CTH: variants seen among roughly 807,000 people sequenced by gnomAD.
CTH encodes cystathionase (cystathionine gamma-lyase).
Under a neutral mutation model 50.6 loss-of-function variants are expected in CTH, and 41 were observed. The observed-to-expected ratio is 0.81, with a 90% CI of 0.63 to 1.05. The LOEUF (loss-of-function observed/expected upper bound fraction) is 1.05. CTH is among the 50% of genes least tolerant of loss of function. CTH has a pLI of 0.00. For synonymous variants in CTH, 156 were observed against 168.9 expected (o/e 0.92, Z 0.59); for missense variants, 470 against 492.6 (o/e 0.95, Z 0.43).
Position 70,430,368 on chromosome 1 carries a change from A to G in CTH, c.698A>G (p.His233Arg). ...GLVSVNCESL[H>R]NRLRFLQNSL... ...GTGTCTGTTAATTGTGAAAGCCTTC[A>G]TAATAGACTTCGTTTCTTGCAAAAC... is the stretch of plus-strand genomic sequence containing the variant. Residue 233 changes from histidine to arginine, a missense_variant, in exon 7 of 12, where the codon CAT (histidine) becomes CGT (arginine). His to Arg is a conservative substitution (Grantham distance 29, BLOSUM62 0). Coordinates refer to ENST00000370938, the MANE Select transcript of CTH (RefSeq NM_001902.6). 6.3e-7 allele frequency: 1 copy of G among 1,593,768 alleles called. No homozygotes were observed. Among genetic ancestry groups the G allele is most frequent in the Non-Finnish European group, 8.6e-7 (1 of 1,161,572 alleles).
chr1:70,412,769 T>C (rs1572248516), intron 1 of CTH, among the ~76,000 whole-genome samples: 1 of 152,222 alleles, frequency 6.6e-6, no homozygotes, highest in African/African-American at 2.4e-5. Context: ...ACATAAGTTG[T>C]TGAGATGTAT....
At chr1:70,415,774 T>G (rs1420890989) in intron 1 of CTH, among the ~76,000 whole-genome samples, 182 bp from the exon 2 acceptor site, 1 of 152,230 alleles carries the variant, frequency 6.6e-6, no homozygotes, top group Non-Finnish European at 1.5e-5. Context: ...ACATAGAGTT[T>G]GTTTGACTTC....
chr1:70,429,318 C>A (rs978274232), intron 5 of CTH, among the ~76,000 whole-genome samples: 7 of 152,212 alleles, frequency 4.6e-5, no homozygotes, highest in African/African-American at 1.7e-4. Flanking sequence ...TCATGACAAA[C>A]CCCAAATGTA....
At position 70,421,387 on chromosome 1, in the gene CTH, CTTA is replaced by C. The variant is rs534298318; in HGVS notation, c.347-173_347-171del. On this transcript the variant is annotated intron_variant, in intron 3 of 11. Transcript: ENST00000370938. ...ACTCTTGAGCCTTTAGAGAACAAAC[CTTA>C]TTATTCTTTACTATATCAGATAGCC... is the stretch of plus-strand genomic sequence containing the variant. Among the ~76,000 whole-genome samples, 51 of 152,210 alleles carry C rather than the reference CTTA, an allele frequency of 3.4e-4. No individual in the cohort carries two copies. In the Middle Eastern group the frequency reaches 0.017, roughly 51 times the overall value.
intron 3 of CTH, among the ~76,000 whole-genome samples, chr1:70,421,064 A>G (rs1212085611): frequency 6.6e-6 from 1 of 152,184 alleles, no homozygotes; most frequent in Non-Finnish European, 1.5e-5. Context: ...CACTGTAAAA[A>G]TCTGGTAGTT....
At chr1:70,432,809 G>C (rs1458730222) in intron 8 of CTH, among the ~76,000 whole-genome samples, 2 of 150,932 alleles carry the variant, frequency 1.3e-5, no homozygotes, top group African/African-American at 4.9e-5. Flanking sequence ...TCAGCCTCCC[G>C]AGTAGCTGGG....
chr1:70,416,150 G>C (rs1684087328), intron 2 of CTH, 113 bp downstream of exon 2: 1 of 718,128 alleles, frequency 1.4e-6, no homozygotes, highest in Non-Finnish European at 2.5e-6. Flanking sequence ...CAAAATTCCT[G>C]TTCTACTGCC....
intron 10 of CTH, among the ~76,000 whole-genome samples, chr1:70,437,222 A>G (rs1684617014): frequency 6.6e-6 from 1 of 152,228 alleles, no homozygotes; most frequent in African/African-American, 2.4e-5. Flanking sequence ...CATGGGGAAA[A>G]AAATCCCTAA....
intron 5 of CTH, among the ~76,000 whole-genome samples, chr1:70,426,858 C>T (rs1460661681): frequency 6.6e-6 from 1 of 152,258 alleles, no homozygotes; most frequent in African/African-American, 2.4e-5. Context: ...CACAGTGAGT[C>T]CTGTATATTC....
At chr1:70,414,905 C>T (rs961489829) in intron 1 of CTH, among the ~76,000 whole-genome samples, 3 of 152,086 alleles carry the variant, frequency 2.0e-5, no homozygotes, top group Non-Finnish European at 2.9e-5. Flanking sequence ...CTGCAACCTC[C>T]GCATCCTGGG....
intron 3 of CTH, among the ~76,000 whole-genome samples, chr1:70,418,240 A>G (rs1237905860): frequency 6.6e-6 from 1 of 151,988 alleles, no homozygotes; most frequent in African/African-American, 2.4e-5. Flanking sequence ...TATAAGAGAG[A>G]TTATTTATTT....
intron 8 of CTH, 97 bp from the exon 9 acceptor site, chr1:70,433,731 A>C: frequency 1.3e-6 from 2 of 1,563,638 alleles, no homozygotes; most frequent in Non-Finnish European, 1.7e-6. Context: ...TCTTAGGCTT[A>C]TTTGCAGTTA....
At position 70,424,385 on chromosome 1, in the gene CTH, T is replaced by A; in HGVS notation, c.557T>A (p.Val186Glu). The A allele has an allele frequency of 6.2e-7, 1 of 1,614,144 alleles. No individual in the cohort carries two copies. The highest frequency in any genetic ancestry group is 8.5e-7 in the Non-Finnish European group (1 of 1,179,998). Residue 186 changes from valine to glutamate, a missense_variant, in exon 5 of 12, where the codon GTG (valine) becomes GAG (glutamate). By Grantham distance (121) the Val-to-Glu change is moderately radical. Coordinates refer to ENST00000370938, the MANE Select transcript of CTH (RefSeq NM_001902.6). ...VHKHGDIILV[V>E]DNTFMSPYFQ... ...AAGCATGGAGACATTATTTTGGTCG[T>A]GGATAACACTTTTATGTCACCATAT...
rs540762159 is a variant in CTH at position 70,432,378 on chromosome 1, G to T, written c.877+143G>T. On this transcript the variant is annotated intron_variant, in intron 8 of 11. Coordinates refer to ENST00000370938, the MANE Select transcript of CTH (RefSeq NM_001902.6). ...TATTATTGAGCACTGCCATGTGTCA[G>T]GCTCTGTGGTGGGTCAGGTGGAAAG... 55 of 1,004,256 alleles carry T rather than the reference G, an allele frequency of 5.5e-5. No individual in the cohort carries two copies. The South Asian group carries it at 7.7e-4, about 14-fold the overall frequency. The allele number at this position is 1,004,256 out of a possible 1,614,324, so 62.2% of individuals were successfully genotyped here.
intron 1 of CTH, 158 bp downstream of exon 1, chr1:70,411,741 A>G (rs547781760): frequency 4.3e-6 from 4 of 923,156 alleles, no homozygotes; most frequent in Non-Finnish European, 5.2e-6. Context: ...ACAGCTTTGT[A>G]TCGGATGGTC....
chr1:70,434,840 C>T (rs1053760880), intron 9 of CTH: 5 of 302,212 alleles, frequency 1.7e-5, no homozygotes, highest in Non-Finnish European at 3.2e-5. Context: ...GCAACCTCCA[C>T]CTCCTGGGTT....
At chr1:70,419,209 A>T (rs1368805039) in intron 3 of CTH, among the ~76,000 whole-genome samples, 2 of 152,034 alleles carry the variant, frequency 1.3e-5, no homozygotes, top group African/African-American at 4.8e-5. Flanking sequence ...ACATTTTCTT[A>T]ATCCAGTCTA....
At position 70,411,380 on chromosome 1, in the gene CTH, G is replaced by A. The variant is rs770590498; in HGVS notation, c.-36G>A. On this transcript the variant is annotated 5_prime_UTR_variant, in exon 1 of 12. In the 5' UTR this introduces an upstream ATG that the reference lacks. Coordinates refer to ENST00000370938, the MANE Select transcript of CTH (RefSeq NM_001902.6). ...CCGGCTTCGACTGGTTATATCTTCG[G>A]TGTTCTTTTCCTCTCTTCTTCTTTC... 14 of 1,612,336 alleles carry A rather than the reference G, an allele frequency of 8.7e-6. No individual in the cohort carries two copies. The highest frequency in any genetic ancestry group is 1.2e-5 in the Non-Finnish European group (14 of 1,178,394).
At chr1:70,422,800 T>C (rs547727630) in intron 4 of CTH, among the ~76,000 whole-genome samples, 186 of 152,060 alleles carry the variant, frequency 1.2e-3, no homozygotes, top group African/African-American at 4.3e-3. Context: ...TTAGTAGAGA[T>C]GGGGTTTCAC....
Sources: allele counts gnomAD v4.1 joint callset (sites outside exome capture counted in the v4.1 genomes callset), GRCh38; gene constraint gnomAD v4.1.1; transcripts MANE v1.5; gene names NCBI Gene and HGNC (gene_info 2026-07-23, HGNC 2026-07-21).